Variants in HIVEP3 observed in about 807,000 individuals in gnomAD.
The protein encoded by HIVEP3 is transcription factor HIVEP3.
HIVEP3 carries 49 observed loss-of-function variants against 152.8 expected under a neutral mutation model. The ratio of observed to expected loss-of-function variants is 0.32; its 90% confidence interval spans 0.26 to 0.41. HIVEP3 has a LOEUF of 0.41. HIVEP3 is among the 10% of genes least tolerant of loss of function. The probability of loss-of-function intolerance (pLI) is 1.00; values close to 1 mark genes in which losing one functional copy is unlikely to be tolerated. For missense variants in HIVEP3, 2,790 were observed against 3,103.3 expected (o/e 0.90, Z 2.40); for synonymous variants, 1,269 against 1,289.0 (o/e 0.98, Z 0.33).
chr1:41,755,722 A>T (rs997534858), intron 1 of HIVEP3, among the ~76,000 whole-genome samples: 22 of 152,204 alleles, frequency 1.4e-4, no homozygotes, highest in African/African-American at 5.1e-4. Flanking sequence ...ACGTAAAAAG[A>T]TGTTCAATGT....
intron 1 of HIVEP3, among the ~76,000 whole-genome samples, chr1:41,864,119 A>T (rs997530118): frequency 3.3e-5 from 5 of 152,258 alleles, no homozygotes; most frequent in Middle Eastern, 3.4e-3. Flanking sequence ...CAGACTCTCT[A>T]AATTCTTCCA....
Position 41,587,526 on chromosome 1 carries a change from A to G in HIVEP3, c.-521-2208T>C, listed in dbSNP as rs150438628. Among the ~76,000 whole-genome samples the G allele has an allele frequency of 6.6e-5, 10 of 152,382 alleles. No individual in the cohort carries two copies. The East Asian group carries it at 1.5e-3, about 23-fold the overall frequency. On this transcript the variant is annotated intron_variant, in intron 3 of 8. Transcript: ENST00000372583. ...AAGACAGTCCCAGGCAAACCAGGAC[A>G]AAATGGTTACCCTTACAATTAATAT...
At chr1:41,731,631 C>T (rs1312320039) in intron 1 of HIVEP3, among the ~76,000 whole-genome samples, 1 of 152,222 alleles carries the variant, frequency 6.6e-6, no homozygotes, top group African/African-American at 2.4e-5. Flanking sequence ...CCATGTCAAA[C>T]AGCCTATGGA....
intron 1 of HIVEP3, among the ~76,000 whole-genome samples, chr1:41,802,700 G>C (rs548010496): frequency 6.6e-6 from 1 of 152,184 alleles, no homozygotes; most frequent in Non-Finnish European, 1.5e-5. Context: ...GGAATGACAT[G>C]TAACAATTAA....
At chr1:41,747,013 C>T (rs540164419) in intron 1 of HIVEP3, among the ~76,000 whole-genome samples, 5 of 152,200 alleles carry the variant, frequency 3.3e-5, no homozygotes. Context: ...ATGAAATCAC[C>T]CTGGGGTCCT....
chr1:41,694,322 A>G (rs1373285964), intron 2 of HIVEP3, among the ~76,000 whole-genome samples: 1 of 151,854 alleles, frequency 6.6e-6, no homozygotes, highest in Non-Finnish European at 1.5e-5. Context: ...GCCCCACCCG[A>G]CCTTTTTACC....
chr1:41,594,765 AC>A (rs1644640585), intron 3 of HIVEP3, among the ~76,000 whole-genome samples: 1 of 151,964 alleles, frequency 6.6e-6, no homozygotes, highest in South Asian at 2.1e-4. Context: ...TCCCTTTATG[AC>A]TTTTAGGTTT....
chr1:41,793,468 G>C (rs1259757498), intron 1 of HIVEP3, among the ~76,000 whole-genome samples: 1 of 152,184 alleles, frequency 6.6e-6, no homozygotes, highest in Non-Finnish European at 1.5e-5. Flanking sequence ...TGATCCACTG[G>C]AGAGGCTATT....
intron 1 of HIVEP3, among the ~76,000 whole-genome samples, chr1:41,785,998 C>T (rs1467762713): frequency 6.7e-6 from 1 of 149,346 alleles, no homozygotes; most frequent in African/African-American, 2.5e-5. Flanking sequence ...AACTCTGTCT[C>T]AAAAAAAAAA....
intron 2 of HIVEP3, among the ~76,000 whole-genome samples, chr1:41,663,027 A>G (rs1332396797): frequency 1.3e-5 from 2 of 152,142 alleles, no homozygotes; most frequent in East Asian, 1.9e-4. Flanking sequence ...GGGCTTCCCA[A>G]TGGCTTGACT....
chr1:41,788,254 C>T (rs375537036), intron 1 of HIVEP3, among the ~76,000 whole-genome samples: 63 of 152,280 alleles, frequency 4.1e-4, no homozygotes, highest in African/African-American at 1.3e-3. Context: ...AGTGCAGGAA[C>T]GCAGGAGGGG....
At chr1:41,539,917 A>G in intron 5 of HIVEP3, among the ~76,000 whole-genome samples, 1 of 152,368 alleles carries the variant, frequency 6.6e-6, no homozygotes, top group East Asian at 1.9e-4. Context: ...TATATCGTAG[A>G]AACCTTGGTA....
At chr1:41,760,114 A>G (rs893461314) in intron 1 of HIVEP3, among the ~76,000 whole-genome samples, 7 of 152,202 alleles carry the variant, frequency 4.6e-5, no homozygotes, top group Admixed American at 3.3e-4. Context: ...TGGAGGCTGC[A>G]GTACCCCATG....
Position 41,510,450 on chromosome 1 carries a change from G to A in HIVEP3, c.*1C>T, listed in dbSNP as rs1322836005. The A allele has an allele frequency of 1.5e-5, 23 of 1,485,654 alleles. No individual in the cohort carries two copies. Among genetic ancestry groups the A allele is most frequent in the East Asian group, 2.5e-5 (1 of 40,740 alleles). The allele number at this position is 1,485,654 out of a possible 1,614,324, so 92.0% of individuals were successfully genotyped here. A position where few individuals can be genotyped will look rare whatever the true frequency, so the allele number is the denominator to read the frequency against. On this transcript the variant is annotated 3_prime_UTR_variant, in exon 9 of 9. Coordinates refer to ENST00000372583, the MANE Select transcript of HIVEP3 (RefSeq NM_024503.5). ...CAGATGCTGAAGCAGTTGGAGAGAG[G>A]CTAAGCGTTGGGGGGAACCCTGTCC... is the stretch of plus-strand genomic sequence containing the variant.
Position 41,518,428 on chromosome 1 carries a change from A to T in HIVEP3, c.5444T>A (p.Val1815Glu). Residue 1815 changes from valine (V) to glutamate (E), a missense_variant, in exon 7 of 9, where the codon GTG becomes GAG. This residue lies in a region of HIVEP3 where 816 missense variants were observed against 806.5 expected (regional missense o/e 1.01). Transcript: ENST00000372583. ...AHSKKCQETG[V>E]LEELEAEEGT... ...TTCTTCGGCTTCCAGCTCCTCCAGC[A>T]CCCCTGTCTCTTGGCACTTTTTGCT... is the stretch of plus-strand genomic sequence containing the variant. 6.2e-7 allele frequency: 1 copy of T among 1,614,170 alleles called. No individual in the cohort carries two copies. Among genetic ancestry groups the T allele is most frequent in the Non-Finnish European group, 8.5e-7 (1 of 1,180,020 alleles).
intron 1 of HIVEP3, among the ~76,000 whole-genome samples, chr1:41,759,343 G>T (rs929574604): frequency 6.6e-6 from 1 of 152,014 alleles, no homozygotes; most frequent in Non-Finnish European, 1.5e-5. Flanking sequence ...GTTGTAGCAG[G>T]TATCAGAATT....
chr1:41,739,359 C>A (rs920109253), intron 1 of HIVEP3, among the ~76,000 whole-genome samples: 1 of 152,176 alleles, frequency 6.6e-6, no homozygotes, highest in African/African-American at 2.4e-5. Flanking sequence ...TCGGTGGCAG[C>A]CGTAGGCCTA....
chr1:41,641,103 T>C (rs886730970), intron 2 of HIVEP3, among the ~76,000 whole-genome samples: 8 of 152,372 alleles, frequency 5.3e-5, no homozygotes, highest in Non-Finnish European at 1.2e-4. Flanking sequence ...GCTTTACTTA[T>C]GTTTATGATT....
At chr1:41,625,045 C>T (rs1645096920) in intron 3 of HIVEP3, among the ~76,000 whole-genome samples, 1 of 151,768 alleles carries the variant, frequency 6.6e-6, no homozygotes, top group Admixed American at 6.6e-5. Context: ...CGCCTGTAAG[C>T]CCAGCTATTT....
Sources: allele counts gnomAD v4.1 joint callset (sites outside exome capture counted in the v4.1 genomes callset), GRCh38; gene constraint gnomAD v4.1.1; regional missense constraint gnomAD v4.1.1; transcripts MANE v1.5; gene names NCBI Gene and HGNC (gene_info 2026-07-23, HGNC 2026-07-21).